The following TNIK variants were observed in gnomAD, a reference collection of about 807,000 sequenced individuals.
The protein encoded by TNIK is TRAF2 and NCK interacting kinase, also known as TRAF2 and NCK-interacting protein kinase.
A neutral mutation model predicts 191.3 loss-of-function variants in TNIK; 49 were observed. The observed-to-expected ratio is 0.26, with a 90% CI of 0.20 to 0.32. The LOEUF is 0.32. Among genes scored for constraint, TNIK ranks in the 10% least tolerant of loss-of-function variants. The pLI, the probability that TNIK is intolerant of heterozygous loss-of-function variation, is 1.00. For missense variants in TNIK, 1,155 were observed against 1,702.3 expected (o/e 0.68, Z 5.66); for synonymous variants, 594 against 600.9 (o/e 0.99, Z 0.17).
rs75992741 is a variant in TNIK, at chr3:171,348,370, A to G, written c.123+21250T>C. On this transcript the variant is annotated intron_variant, in intron 2 of 32. Transcript: ENST00000436636. Reference sequence around the variant, plus strand: ...AATCCATCTAAATTTTAAGGATATAACAGAAGATTCCAAATACATTTCATT... The same window carrying G: ...AATCCATCTAAATTTTAAGGATATAGCAGAAGATTCCAAATACATTTCATT... Among the ~76,000 whole-genome samples, 730 of 152,290 alleles carry G rather than the reference A, an allele frequency of 4.8e-3. 1 individual carries two copies. Among genetic ancestry groups the G allele is most frequent in the Middle Eastern group, 0.02 (6 of 294 alleles).
At chr3:171,204,631 G>A (rs745829076) in intron 4 of TNIK, among the ~76,000 whole-genome samples, 28 of 152,116 alleles carry the variant, frequency 1.8e-4, no homozygotes, top group African/African-American at 6.5e-4. Context: ...AGCACCTAAC[G>A]CACTTTTCAA....
At chr3:171,407,846 G>A (rs1286913326) in intron 1 of TNIK, among the ~76,000 whole-genome samples, 1 of 152,162 alleles carries the variant, frequency 6.6e-6, no homozygotes, top group Non-Finnish European at 1.5e-5. Context: ...AGAATCAGAA[G>A]TATCATTTAA....
intron 1 of TNIK, among the ~76,000 whole-genome samples, chr3:171,424,587 T>A (rs1226380240): frequency 6.6e-6 from 1 of 152,122 alleles, no homozygotes; most frequent in Non-Finnish European, 1.5e-5. Flanking sequence ...TGAACCCAAA[T>A]GTCCAACAGT....
intron 22 of TNIK, among the ~76,000 whole-genome samples, chr3:171,094,664 T>C (rs1276239779): frequency 6.6e-6 from 1 of 152,166 alleles, no homozygotes; most frequent in Non-Finnish European, 1.5e-5. Context: ...ACACATGCTG[T>C]TCCCTCTGCC....
At chr3:171,240,757 A>G (rs138150900) in intron 2 of TNIK, among the ~76,000 whole-genome samples, 2 of 151,924 alleles carry the variant, frequency 1.3e-5, no homozygotes, top group South Asian at 2.1e-4. Context: ...TAAAACTTCA[A>G]CTCCACTTTA....
chr3:171,386,752 C>T (rs1426769544), intron 1 of TNIK, among the ~76,000 whole-genome samples: 1 of 152,132 alleles, frequency 6.6e-6, no homozygotes, highest in Admixed American at 6.6e-5. Flanking sequence ...TAAAAATCTT[C>T]AGTCAAGTAT....
intron 2 of TNIK, among the ~76,000 whole-genome samples, chr3:171,247,055 A>G (rs1745671139): frequency 6.6e-6 from 1 of 152,264 alleles, no homozygotes; most frequent in Admixed American, 6.5e-5. Flanking sequence ...TGTAGAAAAT[A>G]GCAGGATATG....
At chr3:171,138,501 C>T (rs371834755) in intron 14 of TNIK, 122 bp from the exon 15 acceptor site, 25 of 893,734 alleles carry the variant, frequency 2.8e-5, no homozygotes, top group Admixed American at 3.6e-5. Flanking sequence ...GATCTTAATA[C>T]CAACAGAATG....
intron 1 of TNIK, among the ~76,000 whole-genome samples, chr3:171,385,165 G>T (rs1007203580): frequency 9.9e-5 from 15 of 152,130 alleles, no homozygotes; most frequent in Admixed American, 2.0e-4. Flanking sequence ...AATGAAGAGT[G>T]AGCCAAAGGG....
chr3:171,212,203 C>T (rs1740917334), intron 3 of TNIK, among the ~76,000 whole-genome samples: 1 of 152,124 alleles, frequency 6.6e-6, no homozygotes, highest in Non-Finnish European at 1.5e-5. Context: ...GCTGCACTGC[C>T]TCCTTCCAGT....
At chr3:171,272,803 T>C (rs1749276115) in intron 2 of TNIK, among the ~76,000 whole-genome samples, 1 of 152,254 alleles carries the variant, frequency 6.6e-6, no homozygotes, top group Non-Finnish European at 1.5e-5. Context: ...ACCATTATTT[T>C]GAATTGTTTG....
At position 171,240,367 on chromosome 3, in the gene TNIK, C is replaced by T. The variant is rs191110486; in HGVS notation, c.124-12146G>A. Among the ~76,000 whole-genome samples, 37 of 152,296 alleles carry T rather than the reference C, an allele frequency of 2.4e-4. 1 individual carries two copies. Among genetic ancestry groups the T allele is most frequent in the Non-Finnish European group, 4.9e-4 (33 of 68,016 alleles). ...GAAAGAGGTATGAGGTTCCCTTGGA[C>T]TAATTAGTGGGTCTAGAGTTAGAAC... On this transcript the variant is annotated intron_variant, in intron 2 of 32. Transcript: ENST00000436636.
In TNIK at chr3:171,068,830, C is replaced by T; in HGVS notation, c.3699+18G>A. On this transcript the variant is annotated intron_variant, in intron 30 of 32. Transcript: ENST00000436636. ...TGTTGTACAGAGAGCCCTTGAAAGT[C>T]TACTTCTGAGTACTTACATGAGATG... 2 of 1,606,706 alleles carry T rather than the reference C, an allele frequency of 1.2e-6. No individual in the cohort carries two copies. The highest frequency in any genetic ancestry group is 2.2e-5 in the South Asian group (2 of 89,108).
chr3:171,064,692 G>C (rs1420034731), intron 32 of TNIK, among the ~76,000 whole-genome samples: 1 of 152,150 alleles, frequency 6.6e-6, no homozygotes, highest in South Asian at 2.1e-4. Flanking sequence ...TTGGGTTACT[G>C]CTTGCTTGAG....
Position 171,084,291 on chromosome 3 carries a change from C to G in TNIK, c.3033G>C (p.Gln1011His), listed in dbSNP as rs1425525476. ...TCTTTCTTGCTTCATTGAGTTTGGC[C>G]TGTTCTTGCCTAAGAAGTTCGCTAG... ...LFTSELLRQE[Q>H]AKLNEARKIS... Residue 1011 changes from glutamine (Q) to histidine (H), a missense_variant, in exon 26 of 33, where the codon CAG (glutamine) becomes CAC (histidine). Around this residue, in one of 3 missense-constraint regions of TNIK, gnomAD observed 735 missense variants for 848.0 expected, o/e 0.87. Transcript: ENST00000436636. The G allele has an allele frequency of 1.9e-6, 3 of 1,613,602 alleles. No homozygotes were observed. Among genetic ancestry groups the G allele is most frequent in the Non-Finnish European group, 2.5e-6 (3 of 1,179,758 alleles).
chr3:171,363,604 C>T (rs1429573442), intron 2 of TNIK, among the ~76,000 whole-genome samples: 1 of 152,220 alleles, frequency 6.6e-6, no homozygotes, highest in Non-Finnish European at 1.5e-5. Context: ...TGATTCATTG[C>T]AGCAGGCTAT....
chr3:171,074,303 C>G (rs1195868955), intron 28 of TNIK, among the ~76,000 whole-genome samples: 1 of 152,030 alleles, frequency 6.6e-6, no homozygotes, highest in Non-Finnish European at 1.5e-5. Flanking sequence ...TAAGTGGAAG[C>G]TAACAATGGG....
intron 2 of TNIK, among the ~76,000 whole-genome samples, chr3:171,365,161 C>CTTTTTTTGTTTTTTT (rs1715523146): frequency 3.1e-5 from 1 of 31,912 alleles, no homozygotes; most frequent in Non-Finnish European, 6.5e-5. Flanking sequence ...GGACTACATT[C>CTTTTTTTGTTTTTTT]TTTTTTTTTT....
intron 25 of TNIK, among the ~76,000 whole-genome samples, chr3:171,084,660 CCTAAG>C (rs1721115576): frequency 6.6e-6 from 1 of 152,098 alleles, no homozygotes; most frequent in Non-Finnish European, 1.5e-5. Flanking sequence ...GAAAAACTGT[CCTAAG>C]CTGACTTTGA....
Sources: allele counts gnomAD v4.1 joint callset (sites outside exome capture counted in the v4.1 genomes callset), GRCh38; gene constraint gnomAD v4.1.1; regional missense constraint gnomAD v4.1.1; transcripts MANE v1.5; gene names NCBI Gene and HGNC (gene_info 2026-07-23, HGNC 2026-07-21).